Variants in RFX1 observed in about 807,000 individuals in gnomAD.
RFX1 encodes the protein regulatory factor X1.
A neutral mutation model predicts 119.6 loss-of-function variants in RFX1; 42 were observed. The ratio of observed to expected loss-of-function variants is 0.35; its 90% CI spans 0.27 to 0.45. The LOEUF is 0.45. Among genes scored for constraint, RFX1 ranks in the 20% least tolerant of loss-of-function variants. RFX1 has a pLI of 1.00. For synonymous variants in RFX1, 628 were observed against 618.5 expected (o/e 1.02, Z -0.23); for missense variants, 1,118 against 1,368.1 (o/e 0.82, Z 2.88).
Position 13,982,133 on chromosome 19 carries a change from G to A in RFX1, c.609C>T (p.His203=). The A allele has an allele frequency of 7.6e-7, 1 of 1,311,516 alleles. No individual in the cohort carries two copies. The highest frequency in any genetic ancestry group is 9.8e-7 in the Non-Finnish European group (1 of 1,020,914). The allele number at this position is 1,311,516 out of a possible 1,614,324, so 81.2% of individuals were successfully genotyped here. The change falls in exon 5 of 21, where the codon CAC becomes CAT. Residue 203 remains histidine, a synonymous_variant. Coordinates refer to ENST00000254325, the MANE Select transcript of RFX1 (RefSeq NM_002918.5). ...GACCACCACTTACCTCTGGGGGCGA[G>A]TGCACCTGCTGGGTACCATGGACCG... The part of the protein sequence containing the change: ...SLTVHGTQQV[H]SPPEQSPVQA...
At chr19:13,963,373 G>A (rs745416673) in intron 18 of RFX1, 98 bp from the exon 19 acceptor site, 208 of 1,473,076 alleles carry the variant, frequency 1.4e-4, no homozygotes, top group Admixed American at 1.8e-4. Context: ...CGCCAGCCCA[G>A]TGACTCAGGC....
rs1249941691 is a variant in RFX1, at chr19:13,993,568, G to A, written c.276C>T (p.Thr92=). The A allele has an allele frequency of 1.9e-6, 3 of 1,613,002 alleles. No individual in the cohort carries two copies. The highest frequency in any genetic ancestry group is 2.7e-5 in the African/African-American group (2 of 74,874). The change falls in exon 2 of 21, where the codon ACC becomes ACT. Residue 92 remains threonine (T), a synonymous_variant. Coordinates refer to ENST00000254325, the MANE Select transcript of RFX1 (RefSeq NM_002918.5). ...PAPSQPTGAP[T]PSPAPQQYIV... The stretch of plus-strand genomic sequence containing the variant: ...TGTACTGCTGGGGTGCAGGCGAAGG[G>A]GTGGGTGCACCGGTTGGCTGCGAGG...
chr19:13,989,115 G>A (rs1974713578), intron 2 of RFX1, among the ~76,000 whole-genome samples: 2 of 152,126 alleles, frequency 1.3e-5, no homozygotes, highest in Admixed American at 1.3e-4. Flanking sequence ...GCGACCTAAG[G>A]GAGACAAGAG....
At chr19:13,997,253 C>T (rs1448281428) in intron 1 of RFX1, among the ~76,000 whole-genome samples, 4 of 152,168 alleles carry the variant, frequency 2.6e-5, no homozygotes, top group Non-Finnish European at 5.9e-5. Context: ...ATGCCAAACT[C>T]AAGAGGTGTC....
At chr19:13,964,034 T>A in intron 16 of RFX1, 27 bp from the exon 17 acceptor site, 2 of 1,525,480 alleles carry the variant, frequency 1.3e-6, no homozygotes, top group Non-Finnish European at 1.8e-6. Flanking sequence ...AGGGGCTTGC[T>A]GCTTCCAAGG....
chr19:13,988,044 T>C (rs1305399827), intron 2 of RFX1, among the ~76,000 whole-genome samples: 3 of 150,166 alleles, frequency 2.0e-5, no homozygotes, highest in Non-Finnish European at 3.0e-5. Context: ...TTTTTTTTTT[T>C]GAGACAGAGT....
intron 2 of RFX1, among the ~76,000 whole-genome samples, chr19:13,988,293 C>T (rs754295990): frequency 6.6e-6 from 1 of 152,138 alleles, no homozygotes; most frequent in Non-Finnish European, 1.5e-5. Flanking sequence ...TCCCAAAGTG[C>T]GGGGACTTGG....
At chr19:13,978,214 ACT>A (rs1275331041) in intron 7 of RFX1, 128 bp from the exon 8 acceptor site, 4 of 631,994 alleles carry the variant, frequency 6.3e-6, no homozygotes, top group Admixed American at 5.7e-5. Context: ...TGGCTTCTGG[ACT>A]CTCAACAAAA....
chr19:13,973,712 C>T (rs560482285), intron 8 of RFX1, among the ~76,000 whole-genome samples: 3 of 152,238 alleles, frequency 2.0e-5, no homozygotes, highest in African/African-American at 7.2e-5. Flanking sequence ...CTCACTGCAA[C>T]CTCCGCCTCC....
chr19:14,006,681 GCGC>G (rs2145658934), upstream of RFX1: 1 of 152,396 alleles, frequency 6.6e-6, no homozygotes, highest in East Asian at 1.9e-4. Context: ...TGGAGGCCGT[GCGC>G]ATGCTCGGCA....
chr19:13,974,057 GT>G (rs1974176423), intron 8 of RFX1, among the ~76,000 whole-genome samples: 1 of 152,148 alleles, frequency 6.6e-6, no homozygotes, highest in Non-Finnish European at 1.5e-5. Flanking sequence ...GCTAGGCACT[GT>G]TTCACACACT....
At position 13,993,567 on chromosome 19, in the gene RFX1, G is replaced by T; in HGVS notation, c.277C>A (p.Pro93Thr). 6.2e-7 allele frequency: 1 copy of T among 1,613,178 alleles called. No homozygotes were observed. Among genetic ancestry groups the T allele is most frequent in the Non-Finnish European group, 8.5e-7 (1 of 1,179,674 alleles). Residue 93 changes from proline (P) to threonine (T), a missense_variant, in exon 2 of 21, where the codon CCT becomes ACT. Pro to Thr is a conservative substitution (Grantham distance 38). Transcript: ENST00000254325. Reference sequence around the variant, plus strand: ...ATGTACTGCTGGGGTGCAGGCGAAGGGGTGGGTGCACCGGTTGGCTGCGAG... The same window carrying T: ...ATGTACTGCTGGGGTGCAGGCGAAGTGGTGGGTGCACCGGTTGGCTGCGAG... ...APSQPTGAPT[P>T]SPAPQQYIVV...
chr19:13,965,848 A>G lies in RFX1; in HGVS notation c.1962-71T>C. ...CCTGCCCCCATCGTCAGAAGGGAACAGGTAGCCCCTGTCCCTGACCCAGGG... is the reference window on the plus strand; with the variant it reads ...CCTGCCCCCATCGTCAGAAGGGAACGGGTAGCCCCTGTCCCTGACCCAGGG... On this transcript the variant is annotated intron_variant, in intron 14 of 20. Transcript: ENST00000254325. This position sits in a 1 kb window ranked among gnomAD's most constrained non-coding sequence, Gnocchi z 4.7. 2.6e-6 allele frequency: 4 copies of G among 1,549,608 alleles called. No individual in the cohort carries two copies. The Admixed American group carries it at 6.9e-5, about 27-fold the overall frequency.
intron 8 of RFX1, among the ~76,000 whole-genome samples, chr19:13,975,229 C>T (rs558685515): frequency 6.0e-4 from 91 of 151,790 alleles, no homozygotes; most frequent in African/African-American, 2.1e-3. Flanking sequence ...TGGTGGTGGG[C>T]GCCTGTAATC....
intron 12 of RFX1, among the ~76,000 whole-genome samples, chr19:13,967,037 C>A (rs1302279230): frequency 6.6e-6 from 1 of 152,174 alleles, no homozygotes; most frequent in Non-Finnish European, 1.5e-5. Context: ...GGCTGCAACA[C>A]AGCACCCACC....
At chr19:14,001,907 G>A (rs542194321) in intron 1 of RFX1, among the ~76,000 whole-genome samples, 2 of 152,344 alleles carry the variant, frequency 1.3e-5, no homozygotes, top group Admixed American at 6.5e-5. Context: ...AGGCCAAAGC[G>A]TGTGGATCAC....
chr19:13,998,800 G>A (rs983913437), intron 1 of RFX1, among the ~76,000 whole-genome samples: 4 of 152,166 alleles, frequency 2.6e-5, no homozygotes, highest in Non-Finnish European at 5.9e-5. Flanking sequence ...TGCTGGCCTT[G>A]GCTTTCTCAG....
Position 13,990,084 on chromosome 19 carries a change from T to C in RFX1, c.319+3441A>G, listed in dbSNP as rs1415738207. 6.6e-6 allele frequency among the ~76,000 whole-genome samples: 1 copy of C among 152,100 alleles called. No individual in the cohort carries two copies. The highest frequency in any genetic ancestry group is 1.5e-5 in the Non-Finnish European group (1 of 68,026). On this transcript the variant is annotated intron_variant, in intron 2 of 20. Transcript: ENST00000254325. This position sits in a 1 kb window ranked among gnomAD's most constrained non-coding sequence, Gnocchi z 4.1. The stretch of plus-strand genomic sequence containing the variant: ...GGGGCTGGATGTGGGGTCCTGCGGT[T>C]CAGGGTTGCAGCCCAGGCTGGAGAC...
At chr19:13,994,491 G>A (rs796873504) in intron 1 of RFX1, among the ~76,000 whole-genome samples, 102 of 152,096 alleles carry the variant, frequency 6.7e-4, no homozygotes, top group African/African-American at 2.3e-3. Flanking sequence ...CGAGGTGAGC[G>A]GATCACTTGA....
Sources: gnomAD v4.1 joint callset for allele counts (sites outside exome capture counted in the v4.1 genomes callset) on GRCh38, gnomAD v4.1.1 for gene constraint, Gnocchi (gnomAD v3.1) non-coding constraint, MANE v1.5 for transcripts, NCBI Gene and HGNC (gene_info 2026-07-23, HGNC 2026-07-21) for gene names.